Variants in PPIL6 observed in about 807,000 individuals in gnomAD.
The protein encoded by PPIL6 is peptidylprolyl isomerase like 6.
A neutral mutation model predicts 36.8 loss-of-function variants in PPIL6; 39 were observed. That is an observed-to-expected ratio of 1.06 (90% CI 0.82 to 1.38). The LOEUF is 1.38. PPIL6 is among the 40% of genes most tolerant of loss of function. The pLI is 0.00. For missense variants in PPIL6, 368 were observed against 379.1 expected (o/e 0.97, Z 0.24); for synonymous variants, 123 against 134.1 (o/e 0.92, Z 0.57).
At chr6:109,406,841 T>G (rs1772816427) in intron 6 of PPIL6, among the ~76,000 whole-genome samples, 1 of 152,218 alleles carries the variant, frequency 6.6e-6, no homozygotes, top group Admixed American at 6.5e-5. Flanking sequence ...CAATTATTAT[T>G]GTTTGTGAAG....
chr6:109,440,608 C>T lies in PPIL6; in HGVS notation c.-18G>A. 4 of 1,326,074 alleles carry T rather than the reference C, an allele frequency of 3.0e-6. No homozygotes were observed. The highest frequency in any genetic ancestry group is 3.3e-5 in the East Asian group (1 of 30,658). 82.1% of individuals were successfully genotyped at this position (1,326,074 alleles called of 1,614,324 possible). ...CTTGCCATGGCCGCGCCCGGGGACG[C>T]CCGGTGACCCCAAACACTGCGCGTC... On this transcript the variant is annotated 5_prime_UTR_variant, in exon 1 of 8. Transcript: ENST00000521072.
At chr6:109,401,793 T>C (rs6937096) in intron 6 of PPIL6, among the ~76,000 whole-genome samples, 78,589 of 150,828 alleles carry the variant, frequency 0.52, 21,616 homozygotes, top group African/African-American at 0.71. Flanking sequence ...GGCGCGGTCT[T>C]GGTTCACTGC....
At chr6:109,439,272 G>A (rs1447321550) in intron 1 of PPIL6, among the ~76,000 whole-genome samples, 1 of 152,190 alleles carries the variant, frequency 6.6e-6, no homozygotes, top group East Asian at 1.9e-4. Flanking sequence ...TGCTGATCCC[G>A]TCTGCCCAAG....
In PPIL6 at chr6:109,400,113, C is replaced by A. The variant is rs1367792827; in HGVS notation, c.746G>T (p.Gly249Val). Residue 249 changes from glycine (G) to valine (V), a missense_variant, in exon 7 of 8, where the codon GGC (glycine) becomes GTC (valine). Physicochemically the swap from Gly to Val is moderately radical, Grantham distance 109. Transcript: ENST00000521072. ...KRGVLGMANK[G>V]RHSNGSQFYI... ...GAATTGTGACCCGTTGCTGTGACGG[C>A]CTTTGTTGGCCATTCCAAGTACTCC... 1 of 1,613,526 alleles carries A rather than the reference C, an allele frequency of 6.2e-7. No homozygotes were observed. Among genetic ancestry groups the A allele is most frequent in the South Asian group, 1.1e-5 (1 of 90,976 alleles).
In PPIL6 at chr6:109,390,737, A is replaced by G. The variant is rs1273116574; in HGVS notation, c.*2089T>C. The G allele has an allele frequency of 1.3e-5, 2 of 152,198 alleles. No individual in the cohort carries two copies. Among genetic ancestry groups the G allele is most frequent in the African/African-American group, 4.8e-5 (2 of 41,440 alleles). 9.4% of individuals were successfully genotyped at this position (152,198 alleles called of 1,614,324 possible). The stretch of plus-strand genomic sequence containing the variant: ...GATAAAATGGCATCACACACATTGT[A>G]CCAATGTCAGCTGCCTGGTTTGATA... On this transcript the variant is annotated 3_prime_UTR_variant, in exon 8 of 8. Coordinates refer to ENST00000521072, the MANE Select transcript of PPIL6 (RefSeq NM_173672.5).
chr6:109,398,720 A>T (rs770630598), intron 7 of PPIL6, among the ~76,000 whole-genome samples: 1 of 152,198 alleles, frequency 6.6e-6, no homozygotes, highest in Non-Finnish European at 1.5e-5. Context: ...TAACTTGAAT[A>T]GTTTTCATCT....
At chr6:109,431,766 T>C (rs1774170931) in intron 2 of PPIL6, among the ~76,000 whole-genome samples, 1 of 152,232 alleles carries the variant, frequency 6.6e-6, no homozygotes, top group African/African-American at 2.4e-5. Flanking sequence ...ATCCACCCTA[T>C]AGTTCAACAA....
At chr6:109,400,332 T>C (rs1270813218) in intron 6 of PPIL6, among the ~76,000 whole-genome samples, 162 bp from the exon 7 acceptor site, 1 of 152,224 alleles carries the variant, frequency 6.6e-6, no homozygotes, top group East Asian at 1.9e-4. Flanking sequence ...TTTTCAAACA[T>C]GCAAATGGGC....
intron 3 of PPIL6, among the ~76,000 whole-genome samples, chr6:109,427,634 C>A (rs1773895936): frequency 6.6e-6 from 1 of 152,162 alleles, no homozygotes; most frequent in Non-Finnish European, 1.5e-5. Context: ...GGATCGCCTA[C>A]CTTGGCCTCT....
rs531741983 is a variant in PPIL6, at chr6:109,397,406, T to C, written c.824+2629A>G. Reference sequence around the variant, plus strand: ...TGAAGGGAGTTGGAGGGTGTTTTCTTACCCATCTCCCAATGCACCCTGTAC... The same window carrying C: ...TGAAGGGAGTTGGAGGGTGTTTTCTCACCCATCTCCCAATGCACCCTGTAC... On this transcript the variant is annotated intron_variant, in intron 7 of 7. Coordinates refer to ENST00000521072, the MANE Select transcript of PPIL6 (RefSeq NM_173672.5). 3.3e-5 allele frequency among the ~76,000 whole-genome samples: 5 copies of C among 152,272 alleles called. No individual in the cohort carries two copies. The South Asian group carries it at 8.3e-4, about 25-fold the overall frequency.
rs528258913 is a variant in PPIL6 at position 109,430,618 on chromosome 6, C to T, written c.420+539G>A. 1.1e-3 allele frequency among the ~76,000 whole-genome samples: 165 copies of T among 152,168 alleles called. 1 individual carries two copies. The highest frequency in any genetic ancestry group is 1.0e-3 in the Admixed American group (16 of 15,296). Reference sequence around the variant, plus strand: ...ATTTTTGTATTTTTAGTAGAGATGACGTTTCACCGTGTTGGCCAGGATGGT... The same window carrying T: ...ATTTTTGTATTTTTAGTAGAGATGATGTTTCACCGTGTTGGCCAGGATGGT... On this transcript the variant is annotated intron_variant, in intron 3 of 7. Coordinates refer to ENST00000521072, the MANE Select transcript of PPIL6 (RefSeq NM_173672.5).
chr6:109,428,409 G>A (rs1773938181), intron 3 of PPIL6, among the ~76,000 whole-genome samples: 1 of 151,952 alleles, frequency 6.6e-6, no homozygotes, highest in Non-Finnish European at 1.5e-5. Flanking sequence ...GAAATTAGCT[G>A]GGCATGATGG....
chr6:109,411,944 A>G (rs1773029964), intron 6 of PPIL6, among the ~76,000 whole-genome samples: 1 of 152,262 alleles, frequency 6.6e-6, no homozygotes, highest in Admixed American at 6.5e-5. Flanking sequence ...CTGAGGGGAA[A>G]ATGAGGTAGG....
intron 2 of PPIL6, among the ~76,000 whole-genome samples, chr6:109,434,906 C>G (rs747243914): frequency 1.3e-5 from 2 of 152,150 alleles, no homozygotes; most frequent in Non-Finnish European, 2.9e-5. Context: ...AGGTTGTCAC[C>G]CAACAGGAAA....
At chr6:109,440,753 C>T (rs1480029066), upstream of PPIL6, 7 of 237,218 alleles carry the variant, frequency 3.0e-5, no homozygotes, top group Admixed American at 1.9e-4. Context: ...GCTGGGCCGC[C>T]GGCGCGCGGG....
chr6:109,434,440 GGTGT>G (rs1365778187), intron 2 of PPIL6, among the ~76,000 whole-genome samples: 1 of 151,796 alleles, frequency 6.6e-6, no homozygotes, highest in Non-Finnish European at 1.5e-5. Context: ...TGTGTGTGTG[GGTGT>G]GTGTGTGTCT....
intron 7 of PPIL6, among the ~76,000 whole-genome samples, chr6:109,397,724 T>C (rs575683449): frequency 4.6e-5 from 7 of 152,190 alleles, no homozygotes; most frequent in African/African-American, 1.7e-4. Context: ...GCACTAAATG[T>C]TTTAAAGTAG....
chr6:109,403,135 T>G, intron 6 of PPIL6: 2 of 1,439,814 alleles, frequency 1.4e-6, no homozygotes, highest in Non-Finnish European at 1.8e-6. Flanking sequence ...ATAATTTAAA[T>G]TTAAATTAAA....
chr6:109,406,907 C>T (rs1469510924), intron 6 of PPIL6, among the ~76,000 whole-genome samples: 1 of 152,130 alleles, frequency 6.6e-6, no homozygotes, highest in Non-Finnish European at 1.5e-5. Flanking sequence ...CTCCTGAGGC[C>T]TTTTGACATG....
Sources: allele counts gnomAD v4.1 joint callset (sites outside exome capture counted in the v4.1 genomes callset), GRCh38; gene constraint gnomAD v4.1.1; transcripts MANE v1.5; gene names NCBI Gene and HGNC (gene_info 2026-07-23, HGNC 2026-07-21).